The following ACOXL variants were observed in gnomAD, a reference collection of about 807,000 sequenced individuals.
The protein encoded by ACOXL is acyl-CoA oxidase like, also known as acyl-coenzyme A oxidase-like protein.
ACOXL carries 70 observed loss-of-function variants against 71.9 expected under a neutral mutation model. The observed-to-expected ratio is 0.97, with a 90% CI of 0.80 to 1.19. The LOEUF (loss-of-function observed/expected upper bound fraction) is 1.19. Among genes scored for constraint, ACOXL ranks in the 50% most tolerant of loss-of-function variants. The probability of loss-of-function intolerance (pLI) is 0.00; values close to 1 mark genes in which losing one functional copy is unlikely to be tolerated. For synonymous variants in ACOXL, 253 were observed against 281.6 expected (o/e 0.90, Z 1.02); for missense variants, 703 against 736.3 (o/e 0.95, Z 0.52).
chr2:110,851,803 T>C (rs939539397), intron 10 of ACOXL, among the ~76,000 whole-genome samples: 3 of 152,230 alleles, frequency 2.0e-5, no homozygotes, highest in East Asian at 1.9e-4. Flanking sequence ...GAAAACTCTC[T>C]GGTCCGCGGG....
intron 10 of ACOXL, among the ~76,000 whole-genome samples, chr2:110,865,766 T>C (rs1453598555): frequency 6.6e-6 from 1 of 152,188 alleles, no homozygotes; most frequent in Non-Finnish European, 1.5e-5. Context: ...GAGAGAAATA[T>C]GTAGTTTTAT....
intron 1 of ACOXL, among the ~76,000 whole-genome samples, chr2:110,755,653 T>C (rs1679574432): frequency 3.9e-5 from 6 of 152,224 alleles, no homozygotes; most frequent in Admixed American, 3.9e-4. Flanking sequence ...TTTATCCAGC[T>C]TTAATTTATT....
chr2:111,113,076 A>G (rs2150085746), intron 17 of ACOXL: 1 of 152,378 alleles, frequency 6.6e-6, no homozygotes, highest in South Asian at 2.1e-4. Context: ...AAGAACGTCA[A>G]GGGTCACACG....
intron 10 of ACOXL, among the ~76,000 whole-genome samples, chr2:110,853,960 A>G (rs17041578): frequency 0.015 from 2,207 of 147,258 alleles, 52 homozygotes; most frequent in African/African-American, 0.053. Flanking sequence ...TAATTTGTTC[A>G]TTCAACAGAT....
intron 16 of ACOXL, among the ~76,000 whole-genome samples, chr2:111,086,613 A>G (rs1442467212): frequency 6.6e-6 from 1 of 152,062 alleles, no homozygotes; most frequent in Admixed American, 6.6e-5. Context: ...GGAATGTTGC[A>G]TTTTATTGAA....
chr2:110,972,631 A>ATGCACACACACACACG (rs1408690730), intron 12 of ACOXL, among the ~76,000 whole-genome samples: 1 of 133,062 alleles, frequency 7.5e-6, no homozygotes, highest in Non-Finnish European at 1.6e-5. Context: ...TCACACGCAC[A>ATGCACACACACACACG]TGCACACACA....
chr2:110,794,207 G>T (rs774324633), intron 5 of ACOXL, 33 bp downstream of exon 5: 22 of 1,589,522 alleles, frequency 1.4e-5, no homozygotes, highest in Non-Finnish European at 1.7e-5. Context: ...GCCGTGCAGG[G>T]GAGCTGGAAA....
At chr2:110,983,584 C>T (rs2062808191) in intron 12 of ACOXL, among the ~76,000 whole-genome samples, 2 of 152,122 alleles carry the variant, frequency 1.3e-5, no homozygotes, top group Admixed American at 6.5e-5. Flanking sequence ...ACATGCAGAA[C>T]CAGAGACCTG....
At chr2:110,799,166 G>A in intron 7 of ACOXL, 66 bp downstream of exon 7, 1 of 1,479,502 alleles carries the variant, frequency 6.8e-7, no homozygotes, top group African/African-American at 1.4e-5. Context: ...GACTCAAGGA[G>A]AATCTAACCT....
At chr2:110,858,438 T>C (rs1434858711) in intron 10 of ACOXL, among the ~76,000 whole-genome samples, 2 of 151,616 alleles carry the variant, frequency 1.3e-5, no homozygotes, top group African/African-American at 4.8e-5. Flanking sequence ...TTTCTAAGAG[T>C]GGGTTTTGGT....
intron 1 of ACOXL, among the ~76,000 whole-genome samples, chr2:110,762,579 C>T (rs527980836): frequency 2.0e-5 from 3 of 152,238 alleles, no homozygotes; most frequent in Middle Eastern, 3.4e-3. Context: ...TATTGTCCTA[C>T]CACTTTGAGT....
chr2:111,077,383 C>G (rs2067657097), intron 16 of ACOXL, among the ~76,000 whole-genome samples: 1 of 152,108 alleles, frequency 6.6e-6, no homozygotes, highest in Non-Finnish European at 1.5e-5. Context: ...TATCAGTACA[C>G]CTACATACCC....
At position 110,793,737 on chromosome 2, in the gene ACOXL, G is replaced by A; in HGVS notation, c.246+1G>A. The A allele has an allele frequency of 1.2e-6, 2 of 1,612,688 alleles. No individual in the cohort carries two copies. The highest frequency in any genetic ancestry group is 1.7e-6 in the Non-Finnish European group (2 of 1,178,728). The stretch of plus-strand genomic sequence containing the variant: ...TACTAAGTGGTTTCAGCCACTCCAG[G>A]TATGGTATTTTCCTCAACATTGGTC... On this transcript the variant is annotated splice_donor_variant, in intron 4 of 17. Transcript: ENST00000439055. LOFTEE classifies it high-confidence loss of function.
chr2:111,117,699 A>AC lies in ACOXL; in HGVS notation c.1628dup (p.Ile544AsnfsTer97). 2 of 1,551,678 alleles carry AC rather than the reference A, an allele frequency of 1.3e-6. No individual in the cohort carries two copies. The highest frequency in any genetic ancestry group is 1.7e-6 in the Non-Finnish European group (2 of 1,146,990). On this transcript the variant is annotated frameshift_variant, in exon 18 of 18. Coordinates refer to ENST00000439055, the MANE Select transcript of ACOXL (RefSeq NM_001142807.4). LOFTEE classifies it low-confidence loss of function (END_TRUNC). ...ACATTCCACACACCTACCTCCACGCACCAATCGCCGGAATCTCCAACCCGC... is the reference window on the plus strand; with the variant it reads ...ACATTCCACACACCTACCTCCACGCACCCAATCGCCGGAATCTCCAACCCGC...
At chr2:110,812,294 A>G (rs1687428203) in intron 9 of ACOXL, among the ~76,000 whole-genome samples, 1 of 152,206 alleles carries the variant, frequency 6.6e-6, no homozygotes, top group South Asian at 2.1e-4. Flanking sequence ...AACAACCGAA[A>G]TTTAAACATT....
At chr2:110,859,284 T>C (rs1360838562) in intron 10 of ACOXL, among the ~76,000 whole-genome samples, 1 of 152,220 alleles carries the variant, frequency 6.6e-6, no homozygotes, top group Non-Finnish European at 1.5e-5. Flanking sequence ...GTGCTGCTTC[T>C]GAGCGTAGCT....
chr2:110,780,585 T>C (rs1683199519), intron 2 of ACOXL, among the ~76,000 whole-genome samples: 2 of 152,234 alleles, frequency 1.3e-5, no homozygotes, highest in African/African-American at 4.8e-5. Flanking sequence ...AAACTATTCA[T>C]AGATGGAAAC....
chr2:110,998,451 C>T (rs2063488943), intron 14 of ACOXL, among the ~76,000 whole-genome samples: 1 of 152,204 alleles, frequency 6.6e-6, no homozygotes, highest in Non-Finnish European at 1.5e-5. Context: ...AGTGCGGCTC[C>T]TTTAAGTGAA....
At chr2:110,982,028 G>A (rs958038892) in intron 12 of ACOXL, among the ~76,000 whole-genome samples, 1 of 152,158 alleles carries the variant, frequency 6.6e-6, no homozygotes, top group Non-Finnish European at 1.5e-5. Context: ...AAAACTAACC[G>A]CTCTTAAGTT....
Sources: allele counts gnomAD v4.1 joint callset (sites outside exome capture counted in the v4.1 genomes callset), GRCh38; gene constraint gnomAD v4.1.1; transcripts MANE v1.5; gene names NCBI Gene and HGNC (gene_info 2026-07-23, HGNC 2026-07-21).